Variants in SLC22A31 observed in about 807,000 individuals in gnomAD.
The protein encoded by SLC22A31 is putative solute carrier family 22 member 31.
Under a neutral mutation model 27.4 loss-of-function variants are expected in SLC22A31, and 42 were observed. The observed-to-expected ratio is 1.53, with a 90% confidence interval of 1.20 to 1.98. The LOEUF is 1.98. SLC22A31 is among the 30% of genes most tolerant of loss of function. The probability of loss-of-function intolerance (pLI) is 0.00; values close to 1 mark genes in which losing one functional copy is unlikely to be tolerated. For synonymous variants in SLC22A31, 290 were observed against 230.8 expected (o/e 1.26, Z -2.33); for missense variants, 593 against 479.9 (o/e 1.24, Z -2.20).
intron 8 of SLC22A31, 153 bp from the exon 9 acceptor site, chr16:89,196,458 G>T (rs1399668868): frequency 8.2e-7 from 1 of 1,218,664 alleles, no homozygotes; most frequent in African/African-American, 1.5e-5. Context: ...CCAGGCCCAG[G>T]CCGGCCCCTC....
At chr16:89,197,157 A>G (rs3826268) in intron 8 of SLC22A31, 141 bp downstream of exon 8, 88,105 of 628,440 alleles carry the variant, frequency 0.14, 7,783 homozygotes, top group East Asian at 0.39. Context: ...GCAGTGCTTT[A>G]CCCCGAGTCC....
At chr16:89,201,377 G>C (rs1400193018), upstream of SLC22A31, 1 of 353,234 alleles carries the variant, frequency 2.8e-6, no homozygotes, top group Non-Finnish European at 5.1e-6. Flanking sequence ...GGCGGGTGCA[G>C]GGCGCGGGAT....
At chr16:89,201,618 C>T (rs1258185443), upstream of SLC22A31, 2 of 398,186 alleles carry the variant, frequency 5.0e-6, no homozygotes, top group Non-Finnish European at 8.9e-6. Context: ...GCGCCGGGCC[C>T]GGCCAAAGCC....
rs902544798 is a variant in SLC22A31 at position 89,196,173 on chromosome 16, C to A, written c.1167G>T (p.Leu389=). The stretch of plus-strand genomic sequence containing the variant: ...TCTCAGGCAGCAGCAGGACACACAG[C>A]AGGGCAAGGACAGCAAGGGAGGCGA... ...VVFASLAVLA[L]LCVLLLPESR... The change falls in exon 9 of 9, where the codon CTG becomes CTT. Residue 389 remains leucine, a synonymous_variant. Coordinates refer to ENST00000682282, the MANE Select transcript of SLC22A31 (RefSeq NM_001384763.1). 21 of 1,535,080 alleles carry A rather than the reference C, an allele frequency of 1.4e-5. No homozygotes were observed. The highest frequency in any genetic ancestry group is 1.8e-5 in the Non-Finnish European group (21 of 1,146,530).
Position 89,197,424 on chromosome 16 carries a change from CAG to C in SLC22A31, c.923-17_923-16del. 2 of 1,522,410 alleles carry C rather than the reference CAG, an allele frequency of 1.3e-6. No homozygotes were observed. The highest frequency in any genetic ancestry group is 4.9e-5 in the East Asian group (2 of 40,842). 94.3% of individuals were successfully genotyped at this position (1,522,410 alleles called of 1,614,324 possible). A position where few individuals can be genotyped will look rare whatever the true frequency, so the allele number is the denominator to read the frequency against. ...GCCTGGCAGATCTGGGGACAAAGAACAGGGGTTCCCAGGCTCTCTCCCCAGGC... is the reference window on the plus strand; with the variant it reads ...GCCTGGCAGATCTGGGGACAAAGAACGGGTTCCCAGGCTCTCTCCCCAGGC... On this transcript the variant is annotated splice_polypyrimidine_tract_variant and intron_variant, in intron 7 of 8. Coordinates refer to ENST00000682282, the MANE Select transcript of SLC22A31 (RefSeq NM_001384763.1).
upstream of SLC22A31, chr16:89,201,485 C>G (rs1443952165): frequency 5.1e-6 from 2 of 395,462 alleles, no homozygotes; most frequent in Admixed American, 8.9e-5. Context: ...GGGCGCGCAG[C>G]GCTGGGGGCA....
In SLC22A31 at chr16:89,198,809, G is replaced by T. The variant is rs950008409; in HGVS notation, c.453-12C>A. Reference sequence around the variant, plus strand: ...ACAGGGCCGGGAACCTGCAGCGTTGGTGAGGATGCCCACGGCTCCCTCCAC... The same window carrying T: ...ACAGGGCCGGGAACCTGCAGCGTTGTTGAGGATGCCCACGGCTCCCTCCAC... On this transcript the variant is annotated splice_polypyrimidine_tract_variant and intron_variant, in intron 4 of 8. Coordinates refer to ENST00000682282, the MANE Select transcript of SLC22A31 (RefSeq NM_001384763.1). 6.6e-7 allele frequency: 1 copy of T among 1,524,948 alleles called. No homozygotes were observed. The highest frequency in any genetic ancestry group is 2.5e-5 in the East Asian group (1 of 40,570). The allele number at this position is 1,524,948 out of a possible 1,614,324, so 94.5% of individuals were successfully genotyped here.
At chr16:89,197,449 G>T in intron 7 of SLC22A31, 40 bp from the exon 8 acceptor site, 1 of 1,451,462 alleles carries the variant, frequency 6.9e-7, no homozygotes, top group Non-Finnish European at 9.3e-7. Context: ...TCTCTCCCCA[G>T]GCCTTCCACC....
upstream of SLC22A31, chr16:89,201,309 GC>G: frequency 2.9e-6 from 1 of 348,208 alleles, no homozygotes; most frequent in Non-Finnish European, 5.2e-6. Context: ...AGCGCGTAGA[GC>G]CAGCCGCGTG....
intron 7 of SLC22A31, among the ~76,000 whole-genome samples, chr16:89,197,626 C>T (rs1238419308): frequency 6.6e-6 from 1 of 152,228 alleles, no homozygotes; most frequent in Non-Finnish European, 1.5e-5. Context: ...TGACCCCGAG[C>T]CGCAGCCACA....
At chr16:89,197,446 C>T in intron 7 of SLC22A31, 37 bp from the exon 8 acceptor site, 1 of 1,458,870 alleles carries the variant, frequency 6.9e-7, no homozygotes, top group Non-Finnish European at 9.3e-7. Context: ...GGCTCTCTCC[C>T]CAGGCCTTCC....
chr16:89,198,374 C>T (rs901361594), intron 6 of SLC22A31, 38 bp from the exon 7 acceptor site: 5 of 1,534,248 alleles, frequency 3.3e-6, no homozygotes, highest in Middle Eastern at 1.7e-4. Flanking sequence ...CAGCCAGAGC[C>T]GGGGACTCTG....
chr16:89,200,713 C>A (rs916672383), upstream of SLC22A31, among the ~76,000 whole-genome samples: 1 of 152,186 alleles, frequency 6.6e-6, no homozygotes, highest in African/African-American at 2.4e-5. Flanking sequence ...GGTCTCAGCC[C>A]CAGCGCGGAA....
rs897166461 is a variant in SLC22A31, at chr16:89,198,059, G to A, written c.922+63C>T. 1.9e-5 allele frequency: 29 copies of A among 1,505,372 alleles called. No individual in the cohort carries two copies. In the African/African-American group the frequency reaches 3.6e-4, roughly 19 times the overall value. 93.3% of individuals were successfully genotyped at this position (1,505,372 alleles called of 1,614,324 possible). ...CCCCTGTCGGCACTATGGCCCCCTG[G>A]TGTGGCAGACCGTCGGCCCAAACAC... On this transcript the variant is annotated intron_variant, in intron 7 of 8. Transcript: ENST00000682282.
At chr16:89,199,384 C>T (rs1280844258) in intron 3 of SLC22A31, 29 bp downstream of exon 3, 1 of 600,024 alleles carries the variant, frequency 1.7e-6, no homozygotes, top group South Asian at 2.1e-5. Flanking sequence ...TGCCCCTCCC[C>T]CAGTGACAGC....
Position 89,196,046 on chromosome 16 carries a change from G to A in SLC22A31, c.1294C>T (p.Pro432Ser), listed in dbSNP as rs1178159712. The change falls in exon 9 of 9, where the codon CCG becomes TCG. Residue 432 changes from proline to serine, a missense_variant. Pro to Ser is a moderately conservative substitution (Grantham distance 74). Transcript: ENST00000682282. ...RPRQDHLPLLPPSNSYWAGHT... is the reference protein window; with the variant it reads ...RPRQDHLPLLSPSNSYWAGHT... Reference sequence around the variant, plus strand: ...CCGGCCCAGTAGGAGTTGGAGGGCGGCAGCAGAGGCAGGTGGTCCTGGCGG... The same window carrying A: ...CCGGCCCAGTAGGAGTTGGAGGGCGACAGCAGAGGCAGGTGGTCCTGGCGG... The A allele has an allele frequency of 6.5e-7, 1 of 1,529,296 alleles. No homozygotes were observed. Among genetic ancestry groups the A allele is most frequent in the South Asian group, 1.2e-5 (1 of 83,432 alleles). 94.7% of individuals were successfully genotyped at this position (1,529,296 alleles called of 1,614,324 possible).
intron 8 of SLC22A31, among the ~76,000 whole-genome samples, chr16:89,196,869 CAG>C (rs887885547): frequency 1.3e-5 from 2 of 151,128 alleles, no homozygotes; most frequent in African/African-American, 2.4e-5. Flanking sequence ...TCGCTTGAAC[CAG>C]AGAGTTGGAG....
In SLC22A31 at chr16:89,199,507, ACTGGCCCCCAGGC is replaced by A; in HGVS notation, c.176_188del (p.Gly59ValfsTer79). ...TAGGGAAGCTGGCAGCCAGGGCCTCACTGGCCCCCAGGCCTGTGGTCAGCACCAGGGAGGCCAC... is the reference window on the plus strand; with the variant it reads ...TAGGGAAGCTGGCAGCCAGGGCCTCACTGTGGTCAGCACCAGGGAGGCCAC... On this transcript the variant is annotated frameshift_variant, in exon 3 of 9. Coordinates refer to ENST00000682282, the MANE Select transcript of SLC22A31 (RefSeq NM_001384763.1). LOFTEE classifies it high-confidence loss of function. 2.0e-6 allele frequency: 1 copy of A among 497,000 alleles called. No homozygotes were observed. The allele number at this position is 497,000 out of a possible 1,614,324, so 30.8% of individuals were successfully genotyped here.
chr16:89,199,093 G>A lies in SLC22A31; in HGVS notation c.382C>T (p.Leu128Phe), dbSNP rs570317622. 170 of 1,535,702 alleles carry A rather than the reference G, an allele frequency of 1.1e-4. 2 individuals are homozygous for A. In the African/African-American group the frequency reaches 1.9e-3, roughly 17 times the overall value. ...TGCAGAAGACGCCAGTCCTGCACAA[G>A]CGCAGCCAGGCCGGGCAGCAGCAGG... ...GTLLLPGLAALVQDWRLLQGL... is the reference protein window; with the variant it reads ...GTLLLPGLAAFVQDWRLLQGL... The change falls in exon 4 of 9, where the codon CTT becomes TTT. Residue 128 changes from leucine to phenylalanine, a missense_variant. Coordinates refer to ENST00000682282, the MANE Select transcript of SLC22A31 (RefSeq NM_001384763.1).
Sources: gnomAD v4.1 joint callset for allele counts (sites outside exome capture counted in the v4.1 genomes callset) on GRCh38, gnomAD v4.1.1 for gene constraint, MANE v1.5 for transcripts, NCBI Gene and HGNC (gene_info 2026-07-23, HGNC 2026-07-21) for gene names.